The following PDGFD variants were observed in gnomAD, a reference collection of about 807,000 sequenced individuals.
PDGFD encodes the protein platelet-derived growth factor D.
A neutral mutation model predicts 44.7 loss-of-function variants in PDGFD; 30 were observed. The ratio of observed to expected loss-of-function variants is 0.67; its 90% confidence interval spans 0.50 to 0.91. The LOEUF (loss-of-function observed/expected upper bound fraction) is 0.91. PDGFD is among the 40% of genes least tolerant of loss of function. The probability of loss-of-function intolerance (pLI) is 0.00; values close to 1 mark genes in which losing one functional copy is unlikely to be tolerated. For synonymous variants in PDGFD, 173 were observed against 168.4 expected (o/e 1.03, Z -0.21); for missense variants, 445 against 457.8 (o/e 0.97, Z 0.25).
At chr11:103,974,025 C>T (rs1859144187) in intron 3 of PDGFD, among the ~76,000 whole-genome samples, 1 of 152,002 alleles carries the variant, frequency 6.6e-6, no homozygotes, top group Admixed American at 6.6e-5. Flanking sequence ...AATTACAATC[C>T]TGCAGGCAGA....
At chr11:103,986,231 C>G (rs916836258) in intron 3 of PDGFD, among the ~76,000 whole-genome samples, 1 of 152,118 alleles carries the variant, frequency 6.6e-6, no homozygotes, top group Admixed American at 6.6e-5. Context: ...GGAGACGGGT[C>G]TCTGAAGTTC....
intron 1 of PDGFD, among the ~76,000 whole-genome samples, chr11:104,007,668 A>G (rs1859725011): frequency 6.6e-6 from 1 of 152,214 alleles, no homozygotes; most frequent in African/African-American, 2.4e-5. Context: ...GCCAAAAGCA[A>G]TCAAGAATCA....
chr11:103,927,100 C>A lies in PDGFD; in HGVS notation c.799G>T (p.Ala267Ser). ...CTGGGAGTGCAACTGTAACGCTTGG[C>A]ATCATCATTGAGCCTATCCAGGTCA... ...KVDLDRLNDD[A>S]KRYSCTPRNY... The change falls in exon 6 of 7, where the codon GCC (alanine) becomes TCC (serine). Residue 267 changes from alanine to serine, a missense_variant. Transcript: ENST00000393158. The A allele has an allele frequency of 6.2e-7, 1 of 1,614,094 alleles. No homozygotes were observed. Among genetic ancestry groups the A allele is most frequent in the Non-Finnish European group, 8.5e-7 (1 of 1,179,974 alleles).
chr11:103,990,092 T>G (rs1167090565), intron 3 of PDGFD, among the ~76,000 whole-genome samples: 1 of 152,204 alleles, frequency 6.6e-6, no homozygotes, highest in Non-Finnish European at 1.5e-5. Flanking sequence ...ACTTGAGAGA[T>G]ATCCTCAGTA....
chr11:104,065,878 TA>T (rs1860784783), intron 1 of PDGFD, among the ~76,000 whole-genome samples: 1 of 152,214 alleles, frequency 6.6e-6, no homozygotes. Flanking sequence ...TCTCTAGCAT[TA>T]TTTTTAAAAT....
At chr11:103,938,221 T>G (rs1041087201) in intron 5 of PDGFD, among the ~76,000 whole-genome samples, 409 of 152,272 alleles carry the variant, frequency 2.7e-3, no homozygotes, top group Non-Finnish European at 4.7e-3. Context: ...ACCTGTTGTT[T>G]CCTGACTTTT....
chr11:104,113,567 G>A (rs767725358), intron 1 of PDGFD, among the ~76,000 whole-genome samples: 5 of 150,422 alleles, frequency 3.3e-5, no homozygotes, highest in African/African-American at 9.8e-5. Flanking sequence ...GAACATAGCT[G>A]CTATAAACAT....
At chr11:103,961,450 C>G (rs1858934271) in intron 3 of PDGFD, among the ~76,000 whole-genome samples, 1 of 152,074 alleles carries the variant, frequency 6.6e-6, no homozygotes, top group Admixed American at 6.6e-5. Flanking sequence ...TTGGAATTGA[C>G]TTTTGTATGA....
chr11:103,923,615 A>G (rs775772776), intron 6 of PDGFD, among the ~76,000 whole-genome samples: 10 of 152,176 alleles, frequency 6.6e-5, no homozygotes, highest in Non-Finnish European at 1.5e-4. Flanking sequence ...AGAATAAAGG[A>G]CTAGAATTTT....
chr11:104,105,435 G>C (rs959562466), intron 1 of PDGFD, among the ~76,000 whole-genome samples: 16 of 152,010 alleles, frequency 1.1e-4, no homozygotes, highest in Admixed American at 3.9e-4. Flanking sequence ...TTAAAGTTGA[G>C]AGCAAACTAT....
intron 6 of PDGFD, among the ~76,000 whole-genome samples, chr11:103,916,942 T>C (rs912950758): frequency 1.3e-5 from 2 of 152,010 alleles, no homozygotes; most frequent in African/African-American, 4.8e-5. Flanking sequence ...TGTTTGTGGG[T>C]GCGGGACTAG....
rs1555060383 is a variant in PDGFD, at chr11:104,159,170, A to AAC, written c.124+4633_124+4634insGT. Among the ~76,000 whole-genome samples, 8 of 151,874 alleles carry AAC rather than the reference A, an allele frequency of 5.3e-5. No individual in the cohort carries two copies. The South Asian group carries it at 1.7e-3, about 32-fold the overall frequency. On this transcript the variant is annotated intron_variant, in intron 1 of 6. Coordinates refer to ENST00000393158, the MANE Select transcript of PDGFD (RefSeq NM_025208.5). Reference sequence around the variant, plus strand: ...CTCCATCTCAAAAAAAAAAAAAAAAAAAAACTATTTGTCTGCTACCTTTCA... The same window carrying AAC: ...CTCCATCTCAAAAAAAAAAAAAAAAAACAAAACTATTTGTCTGCTACCTTTCA...
Position 104,127,491 on chromosome 11 carries a change from T to C in PDGFD, c.124+36313A>G, listed in dbSNP as rs1861857680. Among the ~76,000 whole-genome samples, 4 of 152,150 alleles carry C rather than the reference T, an allele frequency of 2.6e-5. No individual in the cohort carries two copies. In the South Asian group the frequency reaches 8.3e-4, roughly 31 times the overall value. On this transcript the variant is annotated intron_variant, in intron 1 of 6. Transcript: ENST00000393158. Reference sequence around the variant, plus strand: ...CTGTGGGGAAATCTGGATTCGAACCTGGTTTGAACAAGCATTAACATCACA... The same window carrying C: ...CTGTGGGGAAATCTGGATTCGAACCCGGTTTGAACAAGCATTAACATCACA...
intron 6 of PDGFD, among the ~76,000 whole-genome samples, chr11:103,922,582 C>A (rs1005476584): frequency 6.6e-6 from 1 of 151,988 alleles, no homozygotes; most frequent in East Asian, 1.9e-4. Context: ...TGTGGTCTTA[C>A]TCTGTCACCC....
At chr11:104,069,513 C>G (rs1860842165) in intron 1 of PDGFD, among the ~76,000 whole-genome samples, 1 of 152,212 alleles carries the variant, frequency 6.6e-6, no homozygotes, top group Non-Finnish European at 1.5e-5. Flanking sequence ...TCACACATTT[C>G]TTTTAGCATT....
chr11:104,164,030 C>G lies in PDGFD; in HGVS notation c.-103G>C. ...TGCGCTCTCGCCGCCTGCGCTCGCC[C>G]TGCGCTGGCCCGGGTCGCTGTGCTA... On this transcript the variant is annotated 5_prime_UTR_variant, in exon 1 of 7. Transcript: ENST00000393158. 4 of 1,298,780 alleles carry G rather than the reference C, an allele frequency of 3.1e-6. No individual in the cohort carries two copies. Among genetic ancestry groups the G allele is most frequent in the Non-Finnish European group, 4.1e-6 (4 of 975,188 alleles). The allele number at this position is 1,298,780 out of a possible 1,614,324, so 80.5% of individuals were successfully genotyped here.
chr11:104,001,261 G>A (rs1212267412), intron 1 of PDGFD, among the ~76,000 whole-genome samples: 1 of 152,182 alleles, frequency 6.6e-6, no homozygotes, highest in East Asian at 1.9e-4. Context: ...TTCCCAGGTG[G>A]GGATACACAT....
intron 1 of PDGFD, chr11:104,037,615 A>G (rs376710370): frequency 1.5e-5 from 25 of 1,614,080 alleles, no homozygotes; most frequent in East Asian, 1.1e-4. Flanking sequence ...GGGCGCCCAG[A>G]TGACCATTAT....
Position 104,055,546 on chromosome 11 carries a change from T to C in PDGFD, c.125-55291A>G, listed in dbSNP as rs77722771. On this transcript the variant is annotated intron_variant, in intron 1 of 6. Coordinates refer to ENST00000393158, the MANE Select transcript of PDGFD (RefSeq NM_025208.5). ...GGTAATTATCATTCTTTAGCAGTCA[T>C]AGTAAAAAGAAGTAATTGTTTGAAG... is the stretch of plus-strand genomic sequence containing the variant. 7.5e-4 allele frequency among the ~76,000 whole-genome samples: 114 copies of C among 152,314 alleles called. 2 individuals carry two copies. The East Asian group carries it at 0.018, about 24-fold the overall frequency.
Sources: gnomAD v4.1 joint callset for allele counts (sites outside exome capture counted in the v4.1 genomes callset) on GRCh38, gnomAD v4.1.1 for gene constraint, MANE v1.5 for transcripts, NCBI Gene and HGNC (gene_info 2026-07-23, HGNC 2026-07-21) for gene names.